The following CACHD1 variants were observed in gnomAD, a reference collection of about 807,000 sequenced individuals.
CACHD1 encodes the protein cache domain containing 1.
In CACHD1, 71 loss-of-function variants were observed where a neutral mutation model predicts 138.7. The ratio of observed to expected loss-of-function variants is 0.51; its 90% CI spans 0.42 to 0.62. The LOEUF (loss-of-function observed/expected upper bound fraction) is 0.62, where lower values mean the gene tolerates loss of function less well. Ranked by LOEUF, CACHD1 falls within the 20% of genes least tolerant of loss-of-function variation. The pLI, the probability that CACHD1 is intolerant of heterozygous loss-of-function variation, is 0.00. For missense variants in CACHD1, 1,389 were observed against 1,625.3 expected, an observed-to-expected ratio of 0.85 and a Z score of 2.50; for synonymous variants, 578 against 591.5, an observed-to-expected ratio of 0.98 and a Z score of 0.33.
At chr1:64,584,250 G>T (rs1647033600) in intron 3 of CACHD1, among the ~76,000 whole-genome samples, 1 of 152,144 alleles carries the variant, frequency 6.6e-6, no homozygotes, top group Non-Finnish European at 1.5e-5. Flanking sequence ...CGTGAGTAGA[G>T]TCCAGGGATA....
intron 1 of CACHD1, among the ~76,000 whole-genome samples, chr1:64,486,549 C>T (rs1646244551): frequency 1.3e-5 from 2 of 152,098 alleles, no homozygotes; most frequent in South Asian, 4.1e-4. Context: ...ATAATGACAT[C>T]CAGGATTAGA....
At chr1:64,637,417 G>A (rs555705502) in intron 7 of CACHD1, among the ~76,000 whole-genome samples, 1 of 152,186 alleles carries the variant, frequency 6.6e-6, no homozygotes, top group African/African-American at 2.4e-5. Flanking sequence ...TCTGTTTCAA[G>A]AGATGCCAGA....
chr1:64,559,973 CA>C (rs1266724239), intron 2 of CACHD1, among the ~76,000 whole-genome samples: 1 of 152,038 alleles, frequency 6.6e-6, no homozygotes, highest in Admixed American at 6.6e-5. Context: ...TCTAAGCTGT[CA>C]AATTTGTTGG....
chr1:64,587,736 C>T (rs1050763286), intron 3 of CACHD1, among the ~76,000 whole-genome samples: 12 of 152,214 alleles, frequency 7.9e-5, no homozygotes, highest in Admixed American at 4.6e-4. Flanking sequence ...TAATTTAATT[C>T]GCAGCTCCCT....
intron 8 of CACHD1, among the ~76,000 whole-genome samples, chr1:64,645,514 A>AATGCAC (rs1648874335): frequency 6.6e-6 from 1 of 152,152 alleles, no homozygotes; most frequent in East Asian, 1.9e-4. Flanking sequence ...TCAGAATTAG[A>AATGCAC]ATGCACACAA....
rs78373248 is a variant in CACHD1 at position 64,608,342 on chromosome 1, G to A, written c.517+5430G>A. Among the ~76,000 whole-genome samples the A allele has an allele frequency of 1.4e-3, 218 of 152,262 alleles. 2 individuals carry two copies. The highest frequency in any genetic ancestry group is 5.1e-3 in the African/African-American group (214 of 41,562). ...GAGTTCCCCCTTTTCCTCCTGTACAGCTCATGCCCCTTTTCAGAGCAGAAT... is the reference window on the plus strand; with the variant it reads ...GAGTTCCCCCTTTTCCTCCTGTACAACTCATGCCCCTTTTCAGAGCAGAAT... On this transcript the variant is annotated intron_variant, in intron 4 of 26. Coordinates refer to ENST00000651257, the MANE Select transcript of CACHD1 (RefSeq NM_020925.4).
chr1:64,476,177 T>G (rs1361392172), intron 1 of CACHD1, among the ~76,000 whole-genome samples: 2 of 152,200 alleles, frequency 1.3e-5, no homozygotes, highest in Non-Finnish European at 2.9e-5. Flanking sequence ...CATTAGATGT[T>G]TCTGATTCCT....
intron 3 of CACHD1, among the ~76,000 whole-genome samples, chr1:64,590,992 T>C (rs965717060): frequency 2.0e-5 from 3 of 152,208 alleles, no homozygotes; most frequent in Non-Finnish European, 4.4e-5. Context: ...AAGACTGATA[T>C]AATTTTCCTC....
At chr1:64,606,472 A>G (rs1647345143) in intron 4 of CACHD1, among the ~76,000 whole-genome samples, 1 of 152,164 alleles carries the variant, frequency 6.6e-6, no homozygotes, top group South Asian at 2.1e-4. Flanking sequence ...AGATTAGGCC[A>G]GAGAGGCAGT....
rs755596352 is a variant in CACHD1 at position 64,691,449 on chromosome 1, C to A, written c.3713C>A (p.Ala1238Asp). The A allele has an allele frequency of 6.2e-7, 1 of 1,614,110 alleles. No homozygotes were observed. Among genetic ancestry groups the A allele is most frequent in the Non-Finnish European group, 8.5e-7 (1 of 1,180,012 alleles). The change falls in exon 27 of 27, where the codon GCT becomes GAT. Residue 1238 changes from alanine to aspartate, a missense_variant. By Grantham distance (126) the Ala-to-Asp change is moderately radical. Transcript: ENST00000651257. ...GACCTGGATACCCCCCCTCAGACTGCTGCCCTACTAAGTCACAAGTTCCAC... is the reference window on the plus strand; with the variant it reads ...GACCTGGATACCCCCCCTCAGACTGATGCCCTACTAAGTCACAAGTTCCAC... ...DLDLDTPPQT[A>D]ALLSHKFHHY... is the part of the protein sequence containing the mutation.
chr1:64,631,332 G>C (rs1319535100), intron 5 of CACHD1, among the ~76,000 whole-genome samples: 2 of 152,098 alleles, frequency 1.3e-5, no homozygotes, highest in African/African-American at 4.8e-5. Context: ...TCTGTACTCT[G>C]TTTCATTTCT....
At chr1:64,553,501 T>C (rs1434297062) in intron 2 of CACHD1, among the ~76,000 whole-genome samples, 3 of 152,226 alleles carry the variant, frequency 2.0e-5, no homozygotes, top group African/African-American at 7.2e-5. Context: ...GTATTGTTAT[T>C]AGCAATGTTC....
chr1:64,636,815 T>G (rs905504242), intron 7 of CACHD1, among the ~76,000 whole-genome samples: 1 of 152,214 alleles, frequency 6.6e-6, no homozygotes, highest in African/African-American at 2.4e-5. Context: ...CATCCATCTT[T>G]GCAAGCACCA....
intron 2 of CACHD1, among the ~76,000 whole-genome samples, chr1:64,561,548 C>G (rs946066798): frequency 2.0e-5 from 3 of 151,966 alleles, no homozygotes; most frequent in African/African-American, 7.3e-5. Flanking sequence ...TTTATTATTT[C>G]TTGTATACAG....
intron 1 of CACHD1, among the ~76,000 whole-genome samples, chr1:64,514,258 A>G (rs991014786): frequency 6.6e-6 from 1 of 152,192 alleles, no homozygotes; most frequent in Non-Finnish European, 1.5e-5. Flanking sequence ...TTGCCAGTGA[A>G]TGCTTTTTGT....
intron 9 of CACHD1, 32 bp from the exon 10 acceptor site, chr1:64,652,129 G>C (rs549880813): frequency 6.4e-7 from 1 of 1,572,598 alleles, no homozygotes; most frequent in Admixed American, 1.9e-5. Context: ...TTCTCTGCTG[G>C]TCTTTAGATT....
chr1:64,585,288 C>A lies in CACHD1; in HGVS notation c.410+2984C>A, dbSNP rs550083577. On this transcript the variant is annotated intron_variant, in intron 3 of 26. Coordinates refer to ENST00000651257, the MANE Select transcript of CACHD1 (RefSeq NM_020925.4). ...AGTTTGGGAGTAAAGACAGTGATTT[C>A]CATTTTGAATATGTTGAGATAAGGG... 7.9e-5 allele frequency among the ~76,000 whole-genome samples: 12 copies of A among 152,256 alleles called. No homozygotes were observed. The South Asian group carries it at 2.3e-3, about 29-fold the overall frequency.
chr1:64,566,484 C>G (rs886970584), intron 2 of CACHD1, among the ~76,000 whole-genome samples: 8 of 141,888 alleles, frequency 5.6e-5, no homozygotes, highest in African/African-American at 2.0e-4. Context: ...TCAATTCCCC[C>G]CCCCCCACAA....
rs143487529 is a variant in CACHD1, at chr1:64,662,568, C to T, written c.1952-1127C>T. Among the ~76,000 whole-genome samples, 10 of 152,260 alleles carry T rather than the reference C, an allele frequency of 6.6e-5. No individual in the cohort carries two copies. In the East Asian group the frequency reaches 1.7e-3, roughly 27 times the overall value. ...CAGGCTACCAGGAGACAAGACATGA[C>T]GTGTGAGAACTAACAAAAGGAGTAG... On this transcript the variant is annotated intron_variant, in intron 13 of 26. Coordinates refer to ENST00000651257, the MANE Select transcript of CACHD1 (RefSeq NM_020925.4).
Sources: allele counts gnomAD v4.1 joint callset (sites outside exome capture counted in the v4.1 genomes callset), GRCh38; gene constraint gnomAD v4.1.1; transcripts MANE v1.5; gene names NCBI Gene and HGNC (gene_info 2026-07-23, HGNC 2026-07-21).